Variants in E2F6 observed in about 807,000 individuals in gnomAD.
The protein encoded by E2F6 is E2F transcription factor 6.
In E2F6, 19 loss-of-function variants were observed where a neutral mutation model predicts 31.5. The ratio of observed to expected loss-of-function variants is 0.60; its 90% CI spans 0.42 to 0.89. E2F6 has a LOEUF of 0.89. Among genes scored for constraint, E2F6 ranks in the 40% least tolerant of loss-of-function variants. E2F6 has a pLI of 0.00. For synonymous variants in E2F6, 121 were observed against 127.7 expected (o/e 0.95, Z 0.36); for missense variants, 269 against 341.6 (o/e 0.79, Z 1.67).
chr2:11,444,386 G>C lies in E2F6; in HGVS notation c.*2091C>G, dbSNP rs551398009. ...CCAACGCCAGAAGATGGAGTGACTC[G>C]AGAGATACTTCATTTATAACACACA... On this transcript the variant is annotated 3_prime_UTR_variant, in exon 7 of 7. Coordinates refer to ENST00000381525, the MANE Select transcript of E2F6 (RefSeq NM_198256.4). 9.9e-5 allele frequency: 15 copies of C among 152,124 alleles called. No homozygotes were observed. Among genetic ancestry groups the C allele is most frequent in the African/African-American group, 3.4e-4 (14 of 41,402 alleles). The allele number at this position is 152,124 out of a possible 1,614,324, so 9.4% of individuals were successfully genotyped here.
At chr2:11,454,855 GTTCTT>G (rs1415625123) in intron 2 of E2F6, among the ~76,000 whole-genome samples, 1 of 151,890 alleles carries the variant, frequency 6.6e-6, no homozygotes, top group Non-Finnish European at 1.5e-5. Context: ...TTTGCAACAC[GTTCTT>G]TTAACTCCAT....
Position 11,465,958 on chromosome 2 carries a change from C to T in E2F6, c.-79G>A, listed in dbSNP as rs1672184986. On this transcript the variant is annotated 5_prime_UTR_variant, in exon 1 of 7. Transcript: ENST00000381525. ...CTCGCGCTCAGCTCGAGCACCGCCC[C>T]CCACGCGCCGATTTCCAAGGGCCCA... 7.6e-7 allele frequency: 1 copy of T among 1,314,080 alleles called. No homozygotes were observed. Among genetic ancestry groups the T allele is most frequent in the Non-Finnish European group, 1.0e-6 (1 of 984,812 alleles). 81.4% of individuals were successfully genotyped at this position (1,314,080 alleles called of 1,614,324 possible). A position where few individuals can be genotyped will look rare whatever the true frequency, so the allele number is the denominator to read the frequency against.
chr2:11,461,431 A>C (rs1341290335), intron 1 of E2F6, among the ~76,000 whole-genome samples: 1 of 152,190 alleles, frequency 6.6e-6, no homozygotes, highest in Non-Finnish European at 1.5e-5. Flanking sequence ...GGCTCACTGC[A>C]ACCTCCACCT....
chr2:11,458,151 C>T (rs912462773), intron 1 of E2F6: 11 of 850,158 alleles, frequency 1.3e-5, no homozygotes, highest in Admixed American at 2.1e-5. Flanking sequence ...TCCAGACAGG[C>T]TGTCATCAGG....
At chr2:11,464,139 T>C (rs375370528) in intron 1 of E2F6, among the ~76,000 whole-genome samples, 12 of 151,948 alleles carry the variant, frequency 7.9e-5, no homozygotes, top group Admixed American at 4.6e-4. Context: ...GTCGGTGACC[T>C]TGGTTAGAAT....
In E2F6 at chr2:11,449,117, T is replaced by C. The variant is rs538784370; in HGVS notation, c.651+895A>G. Among the ~76,000 whole-genome samples, 27 of 152,346 alleles carry C rather than the reference T, an allele frequency of 1.8e-4. 2 individuals are homozygous for C. The South Asian group carries it at 5.2e-3, about 29-fold the overall frequency. On this transcript the variant is annotated intron_variant, in intron 5 of 6. Transcript: ENST00000381525. ...ATCCATTAGTCTCTGCAGAATGAAT[T>C]ATTATGCCCCAAAGTAAAGATGTGT...
At chr2:11,459,904 A>T (rs1009103101) in intron 1 of E2F6, among the ~76,000 whole-genome samples, 2 of 152,144 alleles carry the variant, frequency 1.3e-5, no homozygotes, top group African/African-American at 4.8e-5. Context: ...AAGATGATAA[A>T]TAGGCAGATT....
At chr2:11,464,395 T>G (rs572618593) in intron 1 of E2F6, among the ~76,000 whole-genome samples, 1 of 151,446 alleles carries the variant, frequency 6.6e-6, no homozygotes, top group Non-Finnish European at 1.5e-5. Flanking sequence ...CGGGTGCCTG[T>G]AGTCCCAGCT....
At chr2:11,465,475 T>C (rs151228342) in intron 1 of E2F6, among the ~76,000 whole-genome samples, 335 of 152,268 alleles carry the variant, frequency 2.2e-3, no homozygotes, top group African/African-American at 7.9e-3. Context: ...GTTGCAGAGA[T>C]ACAGCTAGAG....
At chr2:11,452,476 T>C (rs1028246485) in intron 3 of E2F6, among the ~76,000 whole-genome samples, 2 of 151,884 alleles carry the variant, frequency 1.3e-5, no homozygotes, top group East Asian at 1.9e-4. Flanking sequence ...TGGTGGTGTA[T>C]GCCTGTAATC....
At position 11,463,213 on chromosome 2, in the gene E2F6, A is replaced by G. The variant is rs1489172653; in HGVS notation, c.108+2559T>C. 3.3e-5 allele frequency among the ~76,000 whole-genome samples: 5 copies of G among 152,204 alleles called. No individual in the cohort carries two copies. In the East Asian group the frequency reaches 9.7e-4, roughly 29 times the overall value. ...ATTGTGTGGGTCCACTTAGAGACCA[A>G]TTTTCTTTACCCGCTGCCACCCCTT... On this transcript the variant is annotated intron_variant, in intron 1 of 6. Coordinates refer to ENST00000381525, the MANE Select transcript of E2F6 (RefSeq NM_198256.4).
At chr2:11,457,343 T>G (rs1671470088) in intron 1 of E2F6, 110 bp from the exon 2 acceptor site, 1 of 722,152 alleles carries the variant, frequency 1.4e-6, no homozygotes, top group African/African-American at 1.8e-5. Flanking sequence ...TGATAATTAC[T>G]GGCTGGGCAG....
chr2:11,452,733 T>C (rs1434099703), intron 3 of E2F6, among the ~76,000 whole-genome samples: 4 of 152,262 alleles, frequency 2.6e-5, no homozygotes, highest in African/African-American at 7.2e-5. Flanking sequence ...GGAAAGGTCC[T>C]TGCCTTTATC....
chr2:11,450,239 G>C (rs1211745678), intron 4 of E2F6, 113 bp from the exon 5 acceptor site: 2 of 530,092 alleles, frequency 3.8e-6, no homozygotes, highest in Admixed American at 3.6e-5. Context: ...GTTTTTATGA[G>C]ATACAAGTTC....
chr2:11,454,415 C>A (rs1430495839), intron 2 of E2F6, among the ~76,000 whole-genome samples: 1 of 150,440 alleles, frequency 6.6e-6, no homozygotes, highest in East Asian at 2.0e-4. Flanking sequence ...AGTGCAGTGG[C>A]GCGATCCTGG....
intron 1 of E2F6, among the ~76,000 whole-genome samples, chr2:11,457,661 C>T (rs896866908): frequency 2.6e-5 from 4 of 152,092 alleles, no homozygotes; most frequent in African/African-American, 7.2e-5. Flanking sequence ...CACACACACA[C>T]AAAATATACT....
chr2:11,466,142 T>C lies in E2F6; in HGVS notation c.-263A>G. ...TCTCAAGTCGCCCGGCCCGCCATCT[T>C]CCCGCATGCGCAGTACACCGCCCCC... On this transcript the variant is annotated 5_prime_UTR_variant, in exon 1 of 7. Transcript: ENST00000381525. 2.3e-6 allele frequency: 1 copy of C among 432,258 alleles called. No homozygotes were observed. Among genetic ancestry groups the C allele is most frequent in the Non-Finnish European group, 4.1e-6 (1 of 243,670 alleles). The allele number at this position is 432,258 out of a possible 1,614,324, so 26.8% of individuals were successfully genotyped here. A position where few individuals can be genotyped will look rare whatever the true frequency, so the allele number is the denominator to read the frequency against.
chr2:11,457,905 AC>A (rs1226589624), intron 1 of E2F6, among the ~76,000 whole-genome samples: 1 of 152,220 alleles, frequency 6.6e-6, no homozygotes, highest in Admixed American at 6.5e-5. Flanking sequence ...GTAACTAGAA[AC>A]TTTTGCGTTA....
At chr2:11,453,837 A>G (rs1178118063) in intron 2 of E2F6, 39 bp from the exon 3 acceptor site, 2 of 1,517,412 alleles carry the variant, frequency 1.3e-6, no homozygotes, top group African/African-American at 1.4e-5. Context: ...AATTTTAAAT[A>G]ACATTTCTCA....
Sources: gnomAD v4.1 joint callset for allele counts (sites outside exome capture counted in the v4.1 genomes callset) on GRCh38, gnomAD v4.1.1 for gene constraint, MANE v1.5 for transcripts, NCBI Gene and HGNC (gene_info 2026-07-23, HGNC 2026-07-21) for gene names.